The following EPHA1 variants were observed in gnomAD, a reference collection of about 807,000 sequenced individuals.
EPHA1 encodes the protein ephrin type-A receptor 1.
In EPHA1, 92 loss-of-function variants were observed where a neutral mutation model predicts 110.1. The observed-to-expected ratio is 0.84, with a 90% CI of 0.71 to 0.99. The LOEUF is 0.99. Among genes scored for constraint, EPHA1 ranks in the 50% least tolerant of loss-of-function variants. The pLI, the probability that EPHA1 is intolerant of heterozygous loss-of-function variation, is 0.00. For synonymous variants in EPHA1, 500 were observed against 516.1 expected, an observed-to-expected ratio of 0.97 and a Z score of 0.42; for missense variants, 1,204 against 1,285.4, an observed-to-expected ratio of 0.94 and a Z score of 0.97.
intron 3 of EPHA1, among the ~76,000 whole-genome samples, 178 bp from the exon 4 acceptor site, chr7:143,400,231 T>A (rs1218634287): frequency 1.3e-5 from 2 of 152,204 alleles, no homozygotes; most frequent in Non-Finnish European, 1.5e-5. Context: ...GCAATCCTCT[T>A]ATGAGGTAGG....
rs777636741 is a variant in EPHA1, at chr7:143,395,404, C to G, written c.1998G>C (p.Gln666His). ...TTGCCTCTCGAAGGAAGTTCCACCACTGGCCACCTGGGGATGTGTCTTTTA... is the reference window on the plus strand; with the variant it reads ...TTGCCTCTCGAAGGAAGTTCCACCAGTGGCCACCTGGGGATGTGTCTTTTA... ...KTLKDTSPGG[Q>H]WWNFLREATI... Residue 666 changes from glutamine (Q) to histidine (H), a missense_variant, in exon 12 of 18, where the codon CAG (glutamine) becomes CAC (histidine). Coordinates refer to ENST00000275815, the MANE Select transcript of EPHA1 (RefSeq NM_005232.5). This position sits in a 1 kb window ranked among gnomAD's most constrained non-coding sequence, Gnocchi z 4.7. The G allele has an allele frequency of 3.7e-5, 59 of 1,614,158 alleles. 2 individuals carry two copies. In the South Asian group the frequency reaches 6.5e-4, roughly 18 times the overall value.
chr7:143,395,581 C>A lies in EPHA1; in HGVS notation c.1898-77G>T. The A allele has an allele frequency of 2.1e-6, 3 of 1,454,414 alleles. No homozygotes were observed. The highest frequency in any genetic ancestry group is 1.2e-5 in the South Asian group (1 of 82,402). The allele number at this position is 1,454,414 out of a possible 1,614,324, so 90.1% of individuals were successfully genotyped here. On this transcript the variant is annotated intron_variant, in intron 11 of 17. Coordinates refer to ENST00000275815, the MANE Select transcript of EPHA1 (RefSeq NM_005232.5). The surrounding 1 kb of genome is among the most constrained non-coding windows in gnomAD (Gnocchi z 4.7). ...GGGGACAGGCAGCAACCCCTCCAGT[C>A]CTCCGGCCCTTTTCTTTTCTGGAGA...
chr7:143,400,280 G>C (rs1399393612), intron 3 of EPHA1, among the ~76,000 whole-genome samples: 1 of 152,144 alleles, frequency 6.6e-6, no homozygotes, highest in African/African-American at 2.4e-5. Flanking sequence ...AGGAAACCAA[G>C]GCTAATAGAA....
chr7:143,395,633 G>T lies in EPHA1; in HGVS notation c.1898-129C>A. The T allele has an allele frequency of 1.0e-6, 1 of 996,688 alleles. No homozygotes were observed. Among genetic ancestry groups the T allele is most frequent in the Non-Finnish European group, 1.4e-6 (1 of 690,252 alleles). The allele number at this position is 996,688 out of a possible 1,614,324, so 61.7% of individuals were successfully genotyped here. On this transcript the variant is annotated intron_variant, in intron 11 of 17. Coordinates refer to ENST00000275815, the MANE Select transcript of EPHA1 (RefSeq NM_005232.5). This position sits in a 1 kb window ranked among gnomAD's most constrained non-coding sequence, Gnocchi z 4.7. ...TCAGAAGCGTGGAGTGCCCTTCCTG[G>T]GACAGGGCGTGGGCTGTCCTTCCTG...
In EPHA1 at chr7:143,401,261, C is replaced by A; in HGVS notation, c.432+63G>T. The A allele has an allele frequency of 6.4e-7, 1 of 1,570,286 alleles. No homozygotes were observed. Among genetic ancestry groups the A allele is most frequent in the Non-Finnish European group, 8.6e-7 (1 of 1,158,204 alleles). ...TTCCTGTCTCTGCAACCTTCTCTGG[C>A]ACCCAATAAGGAGCCACCAGGGATC... On this transcript the variant is annotated intron_variant, in intron 3 of 17. Transcript: ENST00000275815. This position sits in a 1 kb window ranked among gnomAD's most constrained non-coding sequence, Gnocchi z 4.1.
intron 8 of EPHA1, 88 bp downstream of exon 8, chr7:143,397,832 G>A: frequency 6.3e-7 from 1 of 1,575,228 alleles, no homozygotes; most frequent in Non-Finnish European, 8.7e-7. Context: ...TAGAGGAAGA[G>A]GAAAAGTCAC....
In EPHA1 at chr7:143,398,464, G is replaced by C; in HGVS notation, c.1337-16C>G. 3 of 1,613,928 alleles carry C rather than the reference G, an allele frequency of 1.9e-6. No individual in the cohort carries two copies. Among genetic ancestry groups the C allele is most frequent in the Non-Finnish European group, 2.5e-6 (3 of 1,179,938 alleles). On this transcript the variant is annotated splice_polypyrimidine_tract_variant and intron_variant, in intron 6 of 17. Coordinates refer to ENST00000275815, the MANE Select transcript of EPHA1 (RefSeq NM_005232.5). ...GACAGTGACTCTGGGGGTCCAGAGG[G>C]ATAAGGTTGGATATGTAAGGAAAAA...
intron 16 of EPHA1, among the ~76,000 whole-genome samples, chr7:143,392,993 T>TCAA (rs144627046): frequency 1.9e-3 from 287 of 152,098 alleles, no homozygotes; most frequent in African/African-American, 6.7e-3. Context: ...TCCAAACTTC[T>TCAA]CAACAGGGCT....
rs749641816 is a variant in EPHA1 at position 143,394,803 on chromosome 7, C to G, written c.2352+5G>C. ...ATGTGCACTGGGTTTGTACCGGCCTCTAACCTGGGTTTCGTATGTGCCATC... is the reference window on the plus strand; with the variant it reads ...ATGTGCACTGGGTTTGTACCGGCCTGTAACCTGGGTTTCGTATGTGCCATC... On this transcript the variant is annotated splice_donor_5th_base_variant and intron_variant, in intron 14 of 17. Coordinates refer to ENST00000275815, the MANE Select transcript of EPHA1 (RefSeq NM_005232.5). The G allele has an allele frequency of 1.9e-6, 3 of 1,614,030 alleles. No individual in the cohort carries two copies. In the South Asian group the frequency reaches 3.3e-5, roughly 18 times the overall value.
Position 143,397,587 on chromosome 7 carries a change from C to G in EPHA1, c.1686G>C (p.Leu562=), listed in dbSNP as rs1202909584. 1 of 1,613,914 alleles carries G rather than the reference C, an allele frequency of 6.2e-7. No homozygotes were observed. Among genetic ancestry groups the G allele is most frequent in the East Asian group, 2.2e-5 (1 of 44,882 alleles). ...TGGACCGGAAAACGAGAATCCCAAG[C>G]AGCAAGGCTGCACCAAGCAGCAGCC... is the stretch of plus-strand genomic sequence containing the variant. The part of the protein sequence containing the change: ...IFGLLLGAAL[L]LGILVFRSRR... Residue 562 remains leucine, a synonymous_variant, in exon 9 of 18, where the codon CTG becomes CTC. Transcript: ENST00000275815.
intron 9 of EPHA1, 84 bp downstream of exon 9, chr7:143,397,477 C>G: frequency 6.3e-7 from 1 of 1,594,614 alleles, no homozygotes; most frequent in Non-Finnish European, 8.6e-7. Context: ...GGTTTTGATA[C>G]TAGGGGATGG....
At position 143,397,919 on chromosome 7, in the gene EPHA1, C is replaced by G. The variant is rs1170201236; in HGVS notation, c.1615+1G>C. ...TTGGGGCAGAGCACAAGATACCCCA[C>G]CTGGTGGGCTGGTCCGAAACTCATG... On this transcript the variant is annotated splice_donor_variant, in intron 8 of 17. Transcript: ENST00000275815. LOFTEE classifies it high-confidence loss of function. The G allele has an allele frequency of 6.2e-7, 1 of 1,613,848 alleles. No homozygotes were observed. Among genetic ancestry groups the G allele is most frequent in the Admixed American group, 1.7e-5 (1 of 60,010 alleles).
At chr7:143,402,163 A>G (rs1805439575) in intron 2 of EPHA1, among the ~76,000 whole-genome samples, 1 of 151,236 alleles carries the variant, frequency 6.6e-6, no homozygotes, top group Non-Finnish European at 1.5e-5. Context: ...ACCTGGACTC[A>G]GATGATCCTC....
At chr7:143,404,345 T>A (rs1021011801) in intron 2 of EPHA1, among the ~76,000 whole-genome samples, 3 of 151,902 alleles carry the variant, frequency 2.0e-5, no homozygotes, top group African/African-American at 7.3e-5. Context: ...GCCTCCCAAG[T>A]AGCTGGGACT....
At chr7:143,399,208 A>G (rs1172502550) in intron 5 of EPHA1, 50 bp downstream of exon 5, 1 of 1,580,056 alleles carries the variant, frequency 6.3e-7, no homozygotes, top group Non-Finnish European at 8.6e-7. Flanking sequence ...AGTCTCAGCA[A>G]AGATCCAGCC....
At chr7:143,404,432 T>A (rs990641930) in intron 2 of EPHA1, among the ~76,000 whole-genome samples, 7 of 152,136 alleles carry the variant, frequency 4.6e-5, no homozygotes, top group African/African-American at 1.7e-4. Flanking sequence ...TTAGCCAGGA[T>A]GGTCTCGATC....
chr7:143,408,206 G>T (rs558661051), intron 1 of EPHA1, among the ~76,000 whole-genome samples: 24 of 152,306 alleles, frequency 1.6e-4, no homozygotes, highest in African/African-American at 4.6e-4. Flanking sequence ...TGGGAAGTGG[G>T]GGGGAGTAAG....
rs760702958 is a variant in EPHA1, at chr7:143,397,288, G to A, written c.1771+16C>T. The A allele has an allele frequency of 4.5e-5, 69 of 1,546,730 alleles. No individual in the cohort carries two copies. Among genetic ancestry groups the A allele is most frequent in the Non-Finnish European group, 5.6e-5 (64 of 1,145,502 alleles). On this transcript the variant is annotated intron_variant, in intron 10 of 17. Coordinates refer to ENST00000275815, the MANE Select transcript of EPHA1 (RefSeq NM_005232.5). ...GCACACGCATGTGGGGACACACGCA[G>A]GTGCACCCGACTCACCTCGATCCAC...
chr7:143,403,794 A>G lies in EPHA1; in HGVS notation c.151-2189T>C, dbSNP rs141790608. 8.7e-4 allele frequency among the ~76,000 whole-genome samples: 133 copies of G among 152,314 alleles called. 2 individuals are homozygous for G. The East Asian group carries it at 0.024, about 28-fold the overall frequency. ...CATTTTAATTTGCATTTCTTAGAGG[A>G]GGAAGTTGTATATTTCTCTTTTGTT... On this transcript the variant is annotated intron_variant, in intron 2 of 17. Transcript: ENST00000275815.
Sources: allele counts gnomAD v4.1 joint callset (sites outside exome capture counted in the v4.1 genomes callset), GRCh38; gene constraint gnomAD v4.1.1; non-coding constraint Gnocchi (gnomAD v3.1); transcripts MANE v1.5; gene names NCBI Gene and HGNC (gene_info 2026-07-23, HGNC 2026-07-21).